Variants in LAMC1 observed in about 807,000 individuals in gnomAD.
LAMC1 encodes laminin subunit gamma 1, also known as laminin subunit gamma-1.
In LAMC1, 38 loss-of-function variants were observed where a neutral mutation model predicts 173.6. The ratio of observed to expected loss-of-function variants is 0.22; its 90% confidence interval spans 0.17 to 0.29. LAMC1 has a LOEUF of 0.29. Among genes scored for constraint, LAMC1 ranks in the 10% least tolerant of loss-of-function variants. The pLI, the probability that LAMC1 is intolerant of heterozygous loss-of-function variation, is 1.00. For missense variants in LAMC1, 1,824 were observed against 2,051.8 expected, an observed-to-expected ratio of 0.89 and a Z score of 2.14; for synonymous variants, 746 against 749.1, an observed-to-expected ratio of 1.00 and a Z score of 0.07.
At chr1:183,089,718 T>A (rs1018248895) in intron 1 of LAMC1, among the ~76,000 whole-genome samples, 2 of 152,236 alleles carry the variant, frequency 1.3e-5, no homozygotes, top group Admixed American at 1.3e-4. Context: ...TTGAAAGTTA[T>A]GATTCTTTGT....
intron 1 of LAMC1, among the ~76,000 whole-genome samples, chr1:183,059,123 A>G (rs1387482549): frequency 2.0e-5 from 3 of 152,224 alleles, no homozygotes; most frequent in Admixed American, 6.5e-5. Context: ...CTGGTAGTGA[A>G]GTGGCCTCTA....
At chr1:183,092,970 A>G (rs920768596) in intron 1 of LAMC1, among the ~76,000 whole-genome samples, 3 of 152,014 alleles carry the variant, frequency 2.0e-5, no homozygotes, top group Non-Finnish European at 4.4e-5. Flanking sequence ...CTACCACCTC[A>G]TTTCTTTATA....
chr1:183,122,308 G>A, intron 13 of LAMC1, 57 bp downstream of exon 13: 1 of 1,524,658 alleles, frequency 6.6e-7, no homozygotes, highest in Non-Finnish European at 9.0e-7. Flanking sequence ...AGACCTAGGG[G>A]AAAGGGGCTT....
At chr1:183,036,880 A>G (rs1000950357) in intron 1 of LAMC1, among the ~76,000 whole-genome samples, 8 of 152,028 alleles carry the variant, frequency 5.3e-5, no homozygotes, top group African/African-American at 1.4e-4. Flanking sequence ...GGTTCAAGCA[A>G]TTCTTCTGTC....
chr1:183,099,196 C>T (rs1343252001), intron 1 of LAMC1, among the ~76,000 whole-genome samples: 1 of 152,062 alleles, frequency 6.6e-6, no homozygotes, highest in Non-Finnish European at 1.5e-5. Flanking sequence ...TCCAGCAATT[C>T]TCCCACCTCA....
At chr1:183,050,697 G>C (rs1162433716) in intron 1 of LAMC1, among the ~76,000 whole-genome samples, 1 of 149,766 alleles carries the variant, frequency 6.7e-6, no homozygotes, top group African/African-American at 2.4e-5. Context: ...TTCGAGACCA[G>C]CCTGACCAAC....
chr1:183,087,951 T>A (rs1347232435), intron 1 of LAMC1, among the ~76,000 whole-genome samples: 3 of 151,868 alleles, frequency 2.0e-5, no homozygotes, highest in Non-Finnish European at 4.4e-5. Context: ...GTAGCTGGGA[T>A]TACAGGCATG....
intron 1 of LAMC1, among the ~76,000 whole-genome samples, chr1:183,077,727 C>T (rs963375453): frequency 7.5e-6 from 1 of 133,794 alleles, no homozygotes; most frequent in Non-Finnish European, 1.6e-5. Context: ...CTGCAAATGC[C>T]GTTAATTCAT....
At chr1:183,059,028 G>A (rs1484294800) in intron 1 of LAMC1, among the ~76,000 whole-genome samples, 1 of 152,190 alleles carries the variant, frequency 6.6e-6, no homozygotes, top group African/African-American at 2.4e-5. Flanking sequence ...ACTATGATAT[G>A]ACAGGCTCTG....
In LAMC1 at chr1:183,145,011, T is replaced by C. The variant is rs1051473; in HGVS notation, c.*2221T>C. The C allele has an allele frequency of 0.56, 84,936 of 152,016 alleles. 23,921 individuals are homozygous for C. The highest frequency in any genetic ancestry group is 0.65 in the South Asian group (3,120 of 4,828). 9.4% of individuals were successfully genotyped at this position (152,016 alleles called of 1,614,324 possible). A position where few individuals can be genotyped will look rare whatever the true frequency, so the allele number is the denominator to read the frequency against. ...TGCTGTTGCAAAGTTTTCACGTCAT[T>C]GTTTCCTGGCTAGTTCATTTCATTA... On this transcript the variant is annotated 3_prime_UTR_variant, in exon 28 of 28. Coordinates refer to ENST00000258341, the MANE Select transcript of LAMC1 (RefSeq NM_002293.4).
In LAMC1 at chr1:183,131,114, C is replaced by T. The variant is rs150962838; in HGVS notation, c.3487-185C>T. Among the ~76,000 whole-genome samples, 110 of 135,872 alleles carry T rather than the reference C, an allele frequency of 8.1e-4. 1 individual carries two copies. Among genetic ancestry groups the T allele is most frequent in the Admixed American group, 3.5e-3 (41 of 11,596 alleles). The allele number at this position is 135,872 out of a possible 152,430, so 89.1% of individuals were successfully genotyped here. On this transcript the variant is annotated intron_variant, in intron 19 of 27. Coordinates refer to ENST00000258341, the MANE Select transcript of LAMC1 (RefSeq NM_002293.4). ...ACTTGAACCCAGGAAGCAGAGGTTG[C>T]GGTGAACTGAAATTGTGCCATTGCC...
At chr1:183,055,886 T>C (rs1654579221) in intron 1 of LAMC1, among the ~76,000 whole-genome samples, 1 of 152,154 alleles carries the variant, frequency 6.6e-6, no homozygotes. Flanking sequence ...AAGCATACAA[T>C]TGATGATTAT....
intron 5 of LAMC1, 50 bp downstream of exon 5, chr1:183,114,769 C>T (rs749854366): frequency 1.3e-6 from 2 of 1,560,344 alleles, no homozygotes; most frequent in Admixed American, 3.5e-5. Context: ...TTCCGTGGAC[C>T]CCCGGAAAGG....
Position 183,127,499 on chromosome 1 carries a change from G to A in LAMC1, c.3123+95G>A, listed in dbSNP as rs1413390. On this transcript the variant is annotated intron_variant, in intron 17 of 27. Transcript: ENST00000258341. The stretch of plus-strand genomic sequence containing the variant: ...CTCTATAGAAAAAGTGGTGAACAAG[G>A]TAGATGTGGTCCCTGTTCTTAAAGA... 641,571 of 1,124,852 alleles carry A rather than the reference G, an allele frequency of 0.57. 184,323 individuals are homozygous for A. Among genetic ancestry groups the A allele is most frequent in the Admixed American group, 0.66 (34,322 of 51,994 alleles). The allele number at this position is 1,124,852 out of a possible 1,614,324, so 69.7% of individuals were successfully genotyped here.
chr1:183,106,731 G>C (rs1655987178), intron 2 of LAMC1, among the ~76,000 whole-genome samples: 1 of 152,194 alleles, frequency 6.6e-6, no homozygotes, highest in Non-Finnish European at 1.5e-5. Context: ...ATGATTCTGT[G>C]TTAGCCTGGG....
chr1:183,132,009 A>G (rs1336544899), intron 20 of LAMC1, among the ~76,000 whole-genome samples: 1 of 152,240 alleles, frequency 6.6e-6, no homozygotes, highest in Non-Finnish European at 1.5e-5. Context: ...TGTACATATA[A>G]TAAAGTAGGC....
chr1:183,101,564 T>G (rs190877927), intron 1 of LAMC1, among the ~76,000 whole-genome samples: 1 of 151,988 alleles, frequency 6.6e-6, no homozygotes, highest in Non-Finnish European at 1.5e-5. Context: ...ATAAACCCTA[T>G]TGTGGTAATG....
intron 1 of LAMC1, among the ~76,000 whole-genome samples, chr1:183,026,921 T>C (rs1016710365): frequency 6.6e-6 from 1 of 152,238 alleles, no homozygotes; most frequent in Non-Finnish European, 1.5e-5. Context: ...TATCACTAGC[T>C]GCTAAGCTCC....
intron 1 of LAMC1, among the ~76,000 whole-genome samples, chr1:183,083,256 T>A (rs957644244): frequency 6.6e-6 from 1 of 152,152 alleles, no homozygotes; most frequent in African/African-American, 2.4e-5. Context: ...TCTTTAAAGG[T>A]AGATCTCAAC....
Sources: gnomAD v4.1 joint callset for allele counts (sites outside exome capture counted in the v4.1 genomes callset) on GRCh38, gnomAD v4.1.1 for gene constraint, MANE v1.5 for transcripts, NCBI Gene and HGNC (gene_info 2026-07-23, HGNC 2026-07-21) for gene names.